The following CD44 variants were observed in gnomAD, a reference collection of about 807,000 sequenced individuals.
CD44 encodes CD44 molecule (IN blood group), also known as CD44 antigen.
CD44 carries 49 observed loss-of-function variants against 88.8 expected under a neutral mutation model. That is an observed-to-expected ratio of 0.55 (90% CI 0.44 to 0.70). The LOEUF is 0.70. Ranked by LOEUF, CD44 falls within the 30% of genes least tolerant of loss-of-function variation. The pLI is 0.00. For missense variants in CD44, 883 were observed against 913.8 expected, an observed-to-expected ratio of 0.97 and a Z score of 0.43; for synonymous variants, 325 against 312.3, an observed-to-expected ratio of 1.04 and a Z score of -0.43.
chr11:35,155,351 G>A (rs1193518720), intron 1 of CD44, among the ~76,000 whole-genome samples: 1 of 152,200 alleles, frequency 6.6e-6, no homozygotes, highest in African/African-American at 2.4e-5. Context: ...GCTACAATGA[G>A]TAAGGGAGTC....
chr11:35,198,216 G>C lies in CD44; in HGVS notation c.892G>C (p.Asp298His). Reference protein sequence around the residue: ...RHLSFSGSGIDDDEDFISSTI... With the variant: ...RHLSFSGSGIHDDEDFISSTI... ...CCTCAGTTTTTCTGGATCAGGCATT[G>C]ATGATGATGAAGATTTTATCTCCAG... Residue 298 changes from aspartate to histidine, a missense_variant, in exon 7 of 18, where the codon GAT becomes CAT. Asp to His is a moderately conservative substitution (Grantham distance 81). Around this residue, in one of 2 missense-constraint regions of CD44, gnomAD observed 631 missense variants for 590.9 expected, o/e 1.07. Transcript: ENST00000428726. The C allele has an allele frequency of 1.2e-6, 2 of 1,613,886 alleles. No homozygotes were observed. Among genetic ancestry groups the C allele is most frequent in the Non-Finnish European group, 1.7e-6 (2 of 1,179,766 alleles).
chr11:35,211,683 TG>T (rs1948405507), intron 14 of CD44, among the ~76,000 whole-genome samples: 1 of 136,476 alleles, frequency 7.3e-6, no homozygotes, highest in African/African-American at 3.7e-5. Flanking sequence ...CATGTGTGTG[TG>T]TGTGTGTGTG....
intron 5 of CD44, among the ~76,000 whole-genome samples, chr11:35,194,124 G>GA (rs1946520069): frequency 6.6e-6 from 1 of 152,178 alleles, no homozygotes; most frequent in South Asian, 2.1e-4. Context: ...CAAGTAAATA[G>GA]AAAATCTCTT....
intron 17 of CD44, among the ~76,000 whole-genome samples, chr11:35,227,043 C>G (rs1949751953): frequency 1.3e-5 from 2 of 151,956 alleles, no homozygotes. Context: ...ACCACCATGC[C>G]CCCATGACCG....
intron 1 of CD44, among the ~76,000 whole-genome samples, chr11:35,152,944 G>A (rs1860629297): frequency 6.6e-6 from 1 of 152,178 alleles, no homozygotes; most frequent in Non-Finnish European, 1.5e-5. Flanking sequence ...ACTGAGCTGG[G>A]CCCATGCAGC....
chr11:35,204,643 A>G lies in CD44; in HGVS notation c.1282+3A>G. The G allele has an allele frequency of 6.2e-7, 1 of 1,612,620 alleles. No individual in the cohort carries two copies. Among genetic ancestry groups the G allele is most frequent in the Non-Finnish European group, 8.5e-7 (1 of 1,178,886 alleles). On this transcript the variant is annotated splice_donor_region_variant and intron_variant, in intron 10 of 17. Coordinates refer to ENST00000428726, the MANE Select transcript of CD44 (RefSeq NM_000610.4). ...CCATTCGACAACAGGGACAGCTGGT[A>G]ATGGATGGTTTAACAAGTAAATTTG...
chr11:35,183,549 A>T (rs1349234634), intron 3 of CD44, among the ~76,000 whole-genome samples: 1 of 152,178 alleles, frequency 6.6e-6, no homozygotes, highest in Non-Finnish European at 1.5e-5. Flanking sequence ...CAGTGCTGTG[A>T]TCCCCCCCAT....
intron 15 of CD44, among the ~76,000 whole-genome samples, chr11:35,218,762 A>G (rs1949047673): frequency 1.3e-5 from 2 of 152,170 alleles, no homozygotes; most frequent in Non-Finnish European, 2.9e-5. Context: ...GATGAGGCAT[A>G]AGATTCTGCA....
At chr11:35,170,577 C>T (rs183293915) in intron 1 of CD44, among the ~76,000 whole-genome samples, 27 of 152,298 alleles carry the variant, frequency 1.8e-4, no homozygotes, top group Admixed American at 1.2e-3. Flanking sequence ...GCTCATTTAT[C>T]GCTCAGAGGG....
At chr11:35,213,655 A>T (rs1018345822) in intron 14 of CD44, 1 of 152,288 alleles carries the variant, frequency 6.6e-6, no homozygotes, top group African/African-American at 2.4e-5. Flanking sequence ...CCGTCCCCCA[A>T]AAAAGAACTG....
chr11:35,163,725 C>T (rs1162227087), intron 1 of CD44, among the ~76,000 whole-genome samples: 1 of 152,084 alleles, frequency 6.6e-6, no homozygotes. Context: ...CAGCTCCCTC[C>T]CCCCAGCTAA....
intron 4 of CD44, 148 bp downstream of exon 4, chr11:35,187,048 G>A: frequency 3.4e-6 from 2 of 586,098 alleles, no homozygotes; most frequent in South Asian, 3.9e-5. Flanking sequence ...TGAGGTGGGT[G>A]GATCACTTGA....
At chr11:35,172,633 G>C (rs935206099) in intron 1 of CD44, among the ~76,000 whole-genome samples, 3 of 151,948 alleles carry the variant, frequency 2.0e-5, no homozygotes, top group African/African-American at 7.3e-5. Context: ...TGATTTCTTT[G>C]GGACATTGTC....
At chr11:35,185,103 A>G (rs1274977531) in intron 3 of CD44, among the ~76,000 whole-genome samples, 1 of 152,238 alleles carries the variant, frequency 6.6e-6, no homozygotes, top group Non-Finnish European at 1.5e-5. Flanking sequence ...ACAGCCATCA[A>G]GTAAGATGAA....
At position 35,173,747 on chromosome 11, in the gene CD44, T is replaced by C. The variant is rs1254857223; in HGVS notation, c.68-2828T>C. ...TTCCTCGTGGTTGAGACCTGCTTCC[T>C]GCTCAGGAAAGAGAAAGCAGTGGTT... On this transcript the variant is annotated intron_variant, in intron 1 of 17. Transcript: ENST00000428726. Among the ~76,000 whole-genome samples the C allele has an allele frequency of 2.6e-5, 4 of 152,266 alleles. No homozygotes were observed. In the East Asian group the frequency reaches 7.7e-4, roughly 29 times the overall value.
At position 35,230,456 on chromosome 11, in the gene CD44, C is replaced by A. The variant is rs1202491834; in HGVS notation, c.*1123C>A. The A allele has an allele frequency of 1.3e-5, 2 of 152,056 alleles. No homozygotes were observed. The highest frequency in any genetic ancestry group is 6.6e-5 in the Admixed American group (1 of 15,264). 9.4% of individuals were successfully genotyped at this position (152,056 alleles called of 1,614,324 possible). A position where few individuals can be genotyped will look rare whatever the true frequency, so the allele number is the denominator to read the frequency against. The stretch of plus-strand genomic sequence containing the variant: ...TATGGAAGTGCCTTTTGATGTCTTA[C>A]AATAAGAGAAGAAGCCAATGGAAAT... On this transcript the variant is annotated 3_prime_UTR_variant, in exon 18 of 18. Coordinates refer to ENST00000428726, the MANE Select transcript of CD44 (RefSeq NM_000610.4).
At chr11:35,196,669 T>A in intron 5 of CD44, 77 bp from the exon 6 acceptor site, 1 of 1,424,060 alleles carries the variant, frequency 7.0e-7, no homozygotes, top group Non-Finnish European at 9.8e-7. Context: ...AGTAAAAGAG[T>A]ACAAGCATAT....
chr11:35,184,836 C>T (rs564576998), intron 3 of CD44, among the ~76,000 whole-genome samples: 1 of 152,190 alleles, frequency 6.6e-6, no homozygotes, highest in Non-Finnish European at 1.5e-5. Context: ...AATGCGTGAC[C>T]TGTACATATT....
At chr11:35,178,797 A>C (rs970355749) in intron 2 of CD44, among the ~76,000 whole-genome samples, 1 of 152,130 alleles carries the variant, frequency 6.6e-6, no homozygotes, top group African/African-American at 2.4e-5. Context: ...GTTCACCAAG[A>C]AGTATTATTT....
Sources: gnomAD v4.1 joint callset for allele counts (sites outside exome capture counted in the v4.1 genomes callset) on GRCh38, gnomAD v4.1.1 for gene constraint, gnomAD v4.1.1 regional missense constraint, MANE v1.5 for transcripts, NCBI Gene and HGNC (gene_info 2026-07-23, HGNC 2026-07-21) for gene names.